THSD4: variants seen among roughly 807,000 people sequenced by gnomAD.
THSD4 encodes the protein thrombospondin type-1 domain-containing protein 4.
THSD4 carries 69 observed loss-of-function variants against 119.0 expected under a neutral mutation model. The ratio of observed to expected loss-of-function variants is 0.58; its 90% CI spans 0.48 to 0.71. THSD4 has a LOEUF of 0.71. Ranked by LOEUF, THSD4 falls within the 30% of genes least tolerant of loss-of-function variation. THSD4 has a pLI of 0.00. For synonymous variants in THSD4, 524 were observed against 540.4 expected (o/e 0.97, Z 0.42); for missense variants, 1,393 against 1,391.1 (o/e 1.00, Z -0.02).
At chr15:71,453,908 G>A (rs2047300884) in intron 7 of THSD4, among the ~76,000 whole-genome samples, 1 of 152,190 alleles carries the variant, frequency 6.6e-6, no homozygotes, top group South Asian at 2.1e-4. Context: ...CATGGTGGGG[G>A]CATGCTCTTT....
chr15:71,715,723 C>T (rs1038339133), intron 8 of THSD4, among the ~76,000 whole-genome samples: 20 of 151,310 alleles, frequency 1.3e-4, no homozygotes, highest in African/African-American at 4.6e-4. Flanking sequence ...TCCCCGACGT[C>T]ATCGCAATTT....
intron 7 of THSD4, among the ~76,000 whole-genome samples, chr15:71,544,457 A>G (rs754748337): frequency 6.6e-6 from 1 of 152,236 alleles, no homozygotes; most frequent in Non-Finnish European, 1.5e-5. Context: ...ACAGGAGGAC[A>G]TACGTTTCAC....
At chr15:71,198,572 A>C (rs551805698) in intron 3 of THSD4, among the ~76,000 whole-genome samples, 1 of 152,210 alleles carries the variant, frequency 6.6e-6, no homozygotes, top group Non-Finnish European at 1.5e-5. Flanking sequence ...TACCCAAATC[A>C]CTGTCTTAGT....
chr15:71,339,427 A>G (rs2045533770), intron 6 of THSD4, among the ~76,000 whole-genome samples: 2 of 152,078 alleles, frequency 1.3e-5, no homozygotes, highest in African/African-American at 2.4e-5. Flanking sequence ...ACTTTGCACA[A>G]ATGTCCCATG....
At chr15:71,232,144 G>T (rs2044066480) in intron 4 of THSD4, among the ~76,000 whole-genome samples, 1 of 152,026 alleles carries the variant, frequency 6.6e-6, no homozygotes, top group Non-Finnish European at 1.5e-5. Flanking sequence ...TTTAATTTGG[G>T]CTCTCAGGTC....
At chr15:71,762,719 C>T (rs2053647025) in intron 15 of THSD4, among the ~76,000 whole-genome samples, 1 of 152,212 alleles carries the variant, frequency 6.6e-6, no homozygotes, top group Non-Finnish European at 1.5e-5. Context: ...CACGAATACA[C>T]TCCAAATCAT....
chr15:71,304,647 G>A lies in THSD4; in HGVS notation c.1015+47932G>A, dbSNP rs372933024. On this transcript the variant is annotated intron_variant, in intron 6 of 17. Coordinates refer to ENST00000261862, the MANE Select transcript of THSD4 (RefSeq NM_024817.3). ...TAAGAACTTTGAAATTATTTTCAGA[G>A]AATTCAGGTGCTGCTGGTTTTGAAG... 2.0e-5 allele frequency among the ~76,000 whole-genome samples: 3 copies of A among 152,186 alleles called. No individual in the cohort carries two copies. In the East Asian group the frequency reaches 5.8e-4, roughly 29 times the overall value.
At chr15:71,665,642 A>G (rs940669128) in intron 8 of THSD4, among the ~76,000 whole-genome samples, 1 of 152,282 alleles carries the variant, frequency 6.6e-6, no homozygotes, top group African/African-American at 2.4e-5. Context: ...TTTACATTTA[A>G]GTCTTTAATC....
intron 7 of THSD4, among the ~76,000 whole-genome samples, chr15:71,655,179 A>G (rs1165370862): frequency 2.6e-5 from 4 of 152,218 alleles, no homozygotes; most frequent in African/African-American, 9.6e-5. Flanking sequence ...AGAAATATCT[A>G]TTCTGAACAG....
chr15:71,470,535 T>G lies in THSD4; in HGVS notation c.1152+58712T>G, dbSNP rs1019970041. On this transcript the variant is annotated intron_variant, in intron 7 of 17. Coordinates refer to ENST00000261862, the MANE Select transcript of THSD4 (RefSeq NM_024817.3). The stretch of plus-strand genomic sequence containing the variant: ...TCCTAATGGTCTCATTAGGAGGTAC[T>G]AGTATTATCACCGTTTCATAGGTGA... 3.3e-5 allele frequency among the ~76,000 whole-genome samples: 5 copies of G among 152,228 alleles called. No individual in the cohort carries two copies. In the East Asian group the frequency reaches 9.6e-4, roughly 29 times the overall value.
intron 7 of THSD4, among the ~76,000 whole-genome samples, chr15:71,460,395 T>A (rs370611351): frequency 6.7e-6 from 1 of 150,354 alleles, no homozygotes; most frequent in East Asian, 2.0e-4. Context: ...GGCACTTAAG[T>A]ATCATGCCTG....
chr15:71,097,233 A>G (rs1453949084), intron 1 of THSD4, among the ~76,000 whole-genome samples: 1 of 152,200 alleles, frequency 6.6e-6, no homozygotes, highest in African/African-American at 2.4e-5. Context: ...ACCTGGCAGC[A>G]TTGCTAAATA....
intron 7 of THSD4, among the ~76,000 whole-genome samples, chr15:71,485,976 A>C (rs2047810228): frequency 6.6e-6 from 1 of 152,180 alleles, no homozygotes; most frequent in Non-Finnish European, 1.5e-5. Context: ...ACTTGTGGCA[A>C]ATATCCTTTT....
intron 14 of THSD4, among the ~76,000 whole-genome samples, chr15:71,753,991 G>A (rs562675782): frequency 1.3e-4 from 19 of 151,762 alleles, no homozygotes; most frequent in African/African-American, 4.3e-4. Context: ...AGAAAATTAA[G>A]TTAGCTAGTC....
At chr15:71,605,720 T>C (rs529499392) in intron 7 of THSD4, among the ~76,000 whole-genome samples, 2 of 152,320 alleles carry the variant, frequency 1.3e-5, no homozygotes, top group Admixed American at 6.5e-5. Flanking sequence ...TAAGTAAAGA[T>C]GTCAGAGAGC....
intron 7 of THSD4, among the ~76,000 whole-genome samples, chr15:71,637,212 CG>C (rs1289587167): frequency 1.3e-5 from 2 of 152,140 alleles, no homozygotes; most frequent in African/African-American, 4.8e-5. Context: ...TATTTTTCAC[CG>C]TTGTTTACAG....
chr15:71,098,144 GTTC>G (rs1039928526), intron 1 of THSD4, among the ~76,000 whole-genome samples: 2 of 145,390 alleles, frequency 1.4e-5, no homozygotes, highest in Admixed American at 1.4e-4. Context: ...CTGCGGAACA[GTTC>G]TTCTATAACC....
chr15:71,586,573 C>A (rs760822045), intron 7 of THSD4, among the ~76,000 whole-genome samples: 29 of 152,156 alleles, frequency 1.9e-4, no homozygotes, highest in Non-Finnish European at 4.0e-4. Flanking sequence ...TGTCTTCAAT[C>A]AGAAACAGCA....
At chr15:71,204,945 G>A (rs2043831434) in intron 3 of THSD4, among the ~76,000 whole-genome samples, 1 of 152,114 alleles carries the variant, frequency 6.6e-6, no homozygotes. Context: ...GAGCATTTGG[G>A]GGCTAAGGAA....
Sources: gnomAD v4.1 joint callset for allele counts (sites outside exome capture counted in the v4.1 genomes callset) on GRCh38, gnomAD v4.1.1 for gene constraint, MANE v1.5 for transcripts, NCBI Gene and HGNC (gene_info 2026-07-23, HGNC 2026-07-21) for gene names.